The following ARHGAP24 variants were observed in gnomAD, a reference collection of about 807,000 sequenced individuals.
ARHGAP24 encodes the protein Rho GTPase activating protein 24.
A neutral mutation model predicts 76.4 loss-of-function variants in ARHGAP24; 50 were observed. The observed-to-expected ratio is 0.65, with a 90% CI of 0.52 to 0.83. ARHGAP24 has a LOEUF of 0.83. Among genes scored for constraint, ARHGAP24 ranks in the 40% least tolerant of loss-of-function variants. ARHGAP24 has a pLI of 0.00. For synonymous variants in ARHGAP24, 345 were observed against 323.3 expected (o/e 1.07, Z -0.72); for missense variants, 930 against 914.2 (o/e 1.02, Z -0.22).
chr4:85,575,938 C>G (rs1727351646), intron 2 of ARHGAP24, among the ~76,000 whole-genome samples: 1 of 152,158 alleles, frequency 6.6e-6, no homozygotes, highest in Non-Finnish European at 1.5e-5. Flanking sequence ...AAATAAGCAC[C>G]AACCCAATTA....
chr4:85,735,920 G>T (rs1012469692), intron 3 of ARHGAP24, among the ~76,000 whole-genome samples: 5 of 151,806 alleles, frequency 3.3e-5, no homozygotes, highest in Non-Finnish European at 5.9e-5. Context: ...ATCTATCACC[G>T]TCTACAGGAC....
intron 8 of ARHGAP24, chr4:85,990,853 G>A (rs558626778): frequency 8.6e-5 from 13 of 152,008 alleles, no homozygotes; most frequent in Admixed American, 7.2e-4. Context: ...ATCTTATGAC[G>A]TTGTGCTAGT....
chr4:85,580,153 G>GGAGA (rs140863021), intron 2 of ARHGAP24, among the ~76,000 whole-genome samples: 151 of 148,238 alleles, frequency 1.0e-3, no homozygotes, highest in East Asian at 4.0e-3. Flanking sequence ...GGAGGGTGAT[G>GGAGA]GAGAGAGAGA....
At chr4:85,885,323 G>A (rs563345260) in intron 3 of ARHGAP24, among the ~76,000 whole-genome samples, 3 of 152,028 alleles carry the variant, frequency 2.0e-5, no homozygotes, top group African/African-American at 7.2e-5. Context: ...TGGAAACTTG[G>A]TGTCTATTAT....
At chr4:85,655,792 T>TATAGAG (rs1553920518) in intron 2 of ARHGAP24, among the ~76,000 whole-genome samples, 150 of 37,678 alleles carry the variant, frequency 4.0e-3, no homozygotes, top group Non-Finnish European at 5.3e-3. Context: ...TATATATATA[T>TATAGAG]AGAGAGAGAG....
intron 2 of ARHGAP24, among the ~76,000 whole-genome samples, chr4:85,581,309 C>A (rs937330127): frequency 3.3e-5 from 5 of 152,180 alleles, no homozygotes; most frequent in African/African-American, 1.2e-4. Flanking sequence ...TTAATAGAAT[C>A]AATTCTATTT....
intron 3 of ARHGAP24, among the ~76,000 whole-genome samples, chr4:85,858,623 G>A (rs1295549717): frequency 3.9e-5 from 6 of 152,066 alleles, no homozygotes; most frequent in Non-Finnish European, 8.8e-5. Context: ...ATTAAATAAA[G>A]CATTTAATGC....
chr4:85,870,313 A>G (rs1560684975), intron 3 of ARHGAP24, among the ~76,000 whole-genome samples: 1 of 152,160 alleles, frequency 6.6e-6, no homozygotes, highest in African/African-American at 2.4e-5. Flanking sequence ...TTTCACATGT[A>G]CATGTCTATA....
intron 3 of ARHGAP24, among the ~76,000 whole-genome samples, chr4:85,789,661 G>C (rs1728028071): frequency 6.6e-6 from 1 of 152,196 alleles, no homozygotes; most frequent in South Asian, 2.1e-4. Flanking sequence ...GGGCTACCCT[G>C]TTCTGGACTT....
intron 2 of ARHGAP24, among the ~76,000 whole-genome samples, chr4:85,572,216 TA>T (rs1727166392): frequency 6.6e-6 from 1 of 152,194 alleles, no homozygotes; most frequent in East Asian, 1.9e-4. Context: ...ATCTTGAATA[TA>T]AAATTATTTT....
At chr4:85,626,851 C>G in intron 2 of ARHGAP24, among the ~76,000 whole-genome samples, 1 of 152,156 alleles carries the variant, frequency 6.6e-6, no homozygotes, top group East Asian at 1.9e-4. Flanking sequence ...GATACTCTTT[C>G]TTCTAGTTGA....
In ARHGAP24 at chr4:86,000,485, A is replaced by T. The variant is rs1368176795; in HGVS notation, c.2010A>T (p.Glu670Asp). The change falls in exon 10 of 10, where the codon GAA (glutamate) becomes GAT (aspartate). Residue 670 changes from glutamate (E) to aspartate (D), a missense_variant. Coordinates refer to ENST00000395184, the MANE Select transcript of ARHGAP24 (RefSeq NM_001025616.3). ...IEYESRIKSL[E>D]QRNLTLETEM... ...CCCCCAACATCCTTTGTAGCTTAGAACAGCGAAACTTGACTTTGGAAACAG... is the reference window on the plus strand; with the variant it reads ...CCCCCAACATCCTTTGTAGCTTAGATCAGCGAAACTTGACTTTGGAAACAG... 4 of 1,400,890 alleles carry T rather than the reference A, an allele frequency of 2.9e-6. No individual in the cohort carries two copies. Among genetic ancestry groups the T allele is most frequent in the African/African-American group, 1.5e-5 (1 of 65,204 alleles). 86.8% of individuals were successfully genotyped at this position (1,400,890 alleles called of 1,614,324 possible).
intron 1 of ARHGAP24, among the ~76,000 whole-genome samples, chr4:85,527,805 A>T (rs910759203): frequency 6.6e-6 from 1 of 152,124 alleles, no homozygotes; most frequent in Non-Finnish European, 1.5e-5. Context: ...TGACTCTTGA[A>T]ATTTCACCTC....
chr4:85,735,831 A>G (rs1198524212), intron 3 of ARHGAP24, among the ~76,000 whole-genome samples: 2 of 152,194 alleles, frequency 1.3e-5, no homozygotes, highest in East Asian at 3.8e-4. Flanking sequence ...ATTACATTAA[A>G]AAGTACATAG....
Position 85,931,083 on chromosome 4 carries a change from A to G in ARHGAP24, c.391+7313A>G, listed in dbSNP as rs150444643. ...GTTCATGTCCTTTTTATAAATATAA[A>G]TAATATTATCTTAGGCTTTAAGGTC... On this transcript the variant is annotated intron_variant, in intron 4 of 9. Coordinates refer to ENST00000395184, the MANE Select transcript of ARHGAP24 (RefSeq NM_001025616.3). 5.2e-4 allele frequency: 808 copies of G among 1,558,086 alleles called. 2 individuals carry two copies. In the African/African-American group the frequency reaches 9.6e-3, roughly 19 times the overall value.
intron 3 of ARHGAP24, among the ~76,000 whole-genome samples, chr4:85,771,308 C>G (rs994215714): frequency 1.3e-5 from 2 of 152,302 alleles, no homozygotes; most frequent in East Asian, 1.9e-4. Flanking sequence ...ACCAGAGGAC[C>G]CAATGGTGTA....
intron 1 of ARHGAP24, among the ~76,000 whole-genome samples, chr4:85,494,223 T>G (rs949070770): frequency 6.6e-6 from 1 of 152,172 alleles, no homozygotes. Context: ...TACGTATACA[T>G]GTGCCATGGT....
intron 1 of ARHGAP24, among the ~76,000 whole-genome samples, chr4:85,527,029 C>A (rs749828875): frequency 6.6e-6 from 1 of 152,064 alleles, no homozygotes; most frequent in Non-Finnish European, 1.5e-5. Context: ...TCAGCAATAT[C>A]CTGCACGCTT....
chr4:85,961,243 T>C (rs1237032089), intron 5 of ARHGAP24, among the ~76,000 whole-genome samples: 2 of 152,116 alleles, frequency 1.3e-5, no homozygotes, highest in African/African-American at 2.4e-5. Flanking sequence ...TAAACTAAGG[T>C]GGTATCGTCC....
Sources: allele counts gnomAD v4.1 joint callset (sites outside exome capture counted in the v4.1 genomes callset), GRCh38; gene constraint gnomAD v4.1.1; transcripts MANE v1.5; gene names NCBI Gene and HGNC (gene_info 2026-07-23, HGNC 2026-07-21).